NR0B2: variants seen among roughly 807,000 people sequenced by gnomAD.
NR0B2 encodes the protein nuclear receptor SHP.
NR0B2 carries 17 observed loss-of-function variants against 18.9 expected under a neutral mutation model. The observed-to-expected ratio is 0.90, with a 90% CI of 0.62 to 1.35. The LOEUF is 1.35. Ranked by LOEUF, NR0B2 falls within the 40% of genes most tolerant of loss-of-function variation. NR0B2 has a pLI of 0.00. For synonymous variants in NR0B2, 116 were observed against 138.5 expected, an observed-to-expected ratio of 0.84 and a Z score of 1.14; for missense variants, 312 against 333.3, an observed-to-expected ratio of 0.94 and a Z score of 0.50.
chr1:26,913,572 C>T lies in NR0B2; in HGVS notation c.369G>A (p.Leu123=), dbSNP rs267598529. The T allele has an allele frequency of 6.2e-7, 1 of 1,614,126 alleles. No individual in the cohort carries two copies. Among genetic ancestry groups the T allele is most frequent in the Non-Finnish European group, 8.5e-7 (1 of 1,179,988 alleles). ...PVPSILKKIL[L]EEPSSSGGSG... is the part of the protein sequence containing the mutation. ...TGCCTCCACTGCTGCTGGGCTCCTC[C>T]AGCAGAATCTTCTTGAGTATGCTGG... Residue 123 remains leucine (L), a synonymous_variant, in exon 1 of 2, where the codon CTG becomes CTA. Transcript: ENST00000254227.
chr1:26,912,639 GC>G (rs1364311982), intron 1 of NR0B2, among the ~76,000 whole-genome samples: 2 of 152,122 alleles, frequency 1.3e-5, no homozygotes, highest in African/African-American at 4.8e-5. Flanking sequence ...GTCTCCATCT[GC>G]CGCTCTCCTG....
At chr1:26,912,404 T>C (rs1040802800) in intron 1 of NR0B2, among the ~76,000 whole-genome samples, 11 of 152,148 alleles carry the variant, frequency 7.2e-5, no homozygotes, top group Non-Finnish European at 1.2e-4. Flanking sequence ...AGTTTCTTTA[T>C]CTGTAAAACG....
At position 26,913,910 on chromosome 1, in the gene NR0B2, A is replaced by G. The variant is rs1181054311; in HGVS notation, c.31T>C (p.Cys11Arg). The change falls in exon 1 of 2, where the codon TGC (cysteine) becomes CGC (arginine). Residue 11 changes from cysteine (C) to arginine (R), a missense_variant. Cys to Arg is a radical substitution (Grantham distance 180). Coordinates refer to ENST00000254227, the MANE Select transcript of NR0B2 (RefSeq NM_021969.3). MSTSQPGACP[C>R]QGAASRPAIL... ...GCGGGGCGGCTTGCAGCTCCCTGGC[A>G]TGGGCAGGCCCCTGGTTGGCTGGTG... 1.3e-6 allele frequency: 2 copies of G among 1,484,550 alleles called. No homozygotes were observed. 92.0% of individuals were successfully genotyped at this position (1,484,550 alleles called of 1,614,324 possible).
At position 26,913,433 on chromosome 1, in the gene NR0B2, T is replaced by A; in HGVS notation, c.508A>T (p.Lys170Ter). Residue 170 changes from lysine (K) to a stop codon, truncating the protein, a stop_gained, in exon 1 of 2, where the codon AAA becomes TAA. Transcript: ENST00000254227. LOFTEE classifies it high-confidence loss of function. ...CCGGGGTTGAAGAGGATGGTCCCTT[T>A]CAGGCAGGCATATTCCTTGGGGCTA... ...ELSPKEYACL[K>*]GTILFNPDVP... is the part of the protein sequence containing the mutation. The A allele has an allele frequency of 6.2e-7, 1 of 1,614,106 alleles. No homozygotes were observed. The highest frequency in any genetic ancestry group is 8.5e-7 in the Non-Finnish European group (1 of 1,180,014).
In NR0B2 at chr1:26,911,935, C is replaced by A; in HGVS notation, c.684G>T (p.Pro228=). ...AGAAGAGGTCCCCAAGCAGGCTGGT[C>A]GGAATGGACTTGAGGGTGGAGGCCG... ...LLTASTLKSI[P]TSLLGDLFFR... The change falls in exon 2 of 2, where the codon CCG becomes CCT. Residue 228 remains proline (P), a synonymous_variant. Transcript: ENST00000254227. The A allele has an allele frequency of 6.2e-7, 1 of 1,614,172 alleles. No individual in the cohort carries two copies. Among genetic ancestry groups the A allele is most frequent in the East Asian group, 2.2e-5 (1 of 44,882 alleles).
At position 26,911,926 on chromosome 1, in the gene NR0B2, C is replaced by G; in HGVS notation, c.693G>C (p.Leu231=). 2 of 1,614,218 alleles carry G rather than the reference C, an allele frequency of 1.2e-6. No homozygotes were observed. The highest frequency in any genetic ancestry group is 1.7e-6 in the Non-Finnish European group (2 of 1,180,034). Residue 231 remains leucine (L), a synonymous_variant, in exon 2 of 2, where the codon CTG becomes CTC. Transcript: ENST00000254227. The part of the protein sequence containing the change: ...ASTLKSIPTS[L]LGDLFFRPII... ...TAGGGCGAAAGAAGAGGTCCCCAAG[C>G]AGGCTGGTCGGAATGGACTTGAGGG...
At chr1:26,913,373 G>A in intron 1 of NR0B2, 36 bp downstream of exon 1, 2 of 1,607,840 alleles carry the variant, frequency 1.2e-6, no homozygotes, top group South Asian at 2.2e-5. Context: ...CCCTGCTTCA[G>A]CCTTGCCCCC....
chr1:26,911,818 C>T lies in NR0B2; in HGVS notation c.*27G>A. ...AATCAGCACTGCCAGCCTCTGCCCA[C>T]CTGATCTCTGCCTGGGCTGGAACAG... is the stretch of plus-strand genomic sequence containing the variant. On this transcript the variant is annotated 3_prime_UTR_variant, in exon 2 of 2. Transcript: ENST00000254227. 6.2e-7 allele frequency: 1 copy of T among 1,614,078 alleles called. No homozygotes were observed. Among genetic ancestry groups the T allele is most frequent in the Non-Finnish European group, 8.5e-7 (1 of 1,180,006 alleles).
Position 26,911,788 on chromosome 1 carries a change from G to A in NR0B2, c.*57C>T, listed in dbSNP as rs1557666314. On this transcript the variant is annotated 3_prime_UTR_variant, in exon 2 of 2. Transcript: ENST00000254227. ...ATTGGGTCACCTCTGGGGATGGCCA[G>A]GCTGAATCAGCACTGCCAGCCTCTG... The A allele has an allele frequency of 2.5e-6, 4 of 1,612,292 alleles. No homozygotes were observed. The highest frequency in any genetic ancestry group is 3.4e-6 in the Non-Finnish European group (4 of 1,178,834).
intron 1 of NR0B2, among the ~76,000 whole-genome samples, chr1:26,912,383 C>G (rs1259168133): frequency 6.6e-6 from 1 of 152,140 alleles, no homozygotes; most frequent in African/African-American, 2.4e-5. Context: ...GTCACTTAAT[C>G]TCTGGGCTTC....
rs1261376300 is a variant in NR0B2, at chr1:26,913,970, T to G, written c.-30A>C. On this transcript the variant is annotated 5_prime_UTR_variant, in exon 1 of 2. Transcript: ENST00000254227. ...AGGGATCTGCTCTCACTTCCAGCTC[T>G]CTGGCTCTGTGTTCTGCGCTGTGGG... The G allele has an allele frequency of 7.0e-7, 1 of 1,436,692 alleles. No homozygotes were observed. The allele number at this position is 1,436,692 out of a possible 1,614,324, so 89.0% of individuals were successfully genotyped here.
At position 26,913,561 on chromosome 1, in the gene NR0B2, C is replaced by T. The variant is rs200848350; in HGVS notation, c.380G>A (p.Ser127Asn). 1.2e-6 allele frequency: 2 copies of T among 1,614,138 alleles called. No individual in the cohort carries two copies. Among genetic ancestry groups the T allele is most frequent in the African/African-American group, 2.7e-5 (2 of 75,056 alleles). ...ILKKILLEEPSSSGGSGQLPD... is the reference protein window; with the variant it reads ...ILKKILLEEPNSSGGSGQLPD... ...CAGTTGGCCACTGCCTCCACTGCTG[C>T]TGGGCTCCTCCAGCAGAATCTTCTT... Residue 127 changes from serine to asparagine, a missense_variant, in exon 1 of 2, where the codon AGC becomes AAC. Physicochemically the swap from Ser to Asn is conservative, Grantham distance 46 (BLOSUM62 1). Coordinates refer to ENST00000254227, the MANE Select transcript of NR0B2 (RefSeq NM_021969.3).
intron 1 of NR0B2, 137 bp from the exon 2 acceptor site, chr1:26,912,223 T>G (rs2082032471): frequency 1.9e-5 from 17 of 909,122 alleles, no homozygotes; most frequent in Middle Eastern, 3.4e-4. Flanking sequence ...CACTACTACC[T>G]CCTCCTTTAG....
chr1:26,913,184 G>T (rs888295792), intron 1 of NR0B2, among the ~76,000 whole-genome samples: 2 of 152,120 alleles, frequency 1.3e-5, no homozygotes, highest in Non-Finnish European at 2.9e-5. Context: ...TACTCGGGAG[G>T]CTGAGGCAGA....
At chr1:26,912,345 C>CACTTATTA (rs1190893564) in intron 1 of NR0B2, among the ~76,000 whole-genome samples, 1 of 152,116 alleles carries the variant, frequency 6.6e-6, no homozygotes, top group Non-Finnish European at 1.5e-5. Context: ...CCAGCACTGT[C>CACTTATTA]ACTTATTAGC....
chr1:26,913,952 TGCTC>T lies in NR0B2; in HGVS notation c.-16_-13del. 4 of 1,454,724 alleles carry T rather than the reference TGCTC, an allele frequency of 2.7e-6. No homozygotes were observed. Among genetic ancestry groups the T allele is most frequent in the East Asian group, 2.3e-5 (1 of 42,708 alleles). The allele number at this position is 1,454,724 out of a possible 1,614,324, so 90.1% of individuals were successfully genotyped here. A position where few individuals can be genotyped will look rare whatever the true frequency, so the allele number is the denominator to read the frequency against. On this transcript the variant is annotated 5_prime_UTR_variant, in exon 1 of 2. Coordinates refer to ENST00000254227, the MANE Select transcript of NR0B2 (RefSeq NM_021969.3). ...TGGCTGGTGCTCATGGTTAGGGATC[TGCTC>T]TCACTTCCAGCTCTCTGGCTCTGTG...
Position 26,911,841 on chromosome 1 carries a change from C to T in NR0B2, c.*4G>A, listed in dbSNP as rs769430551. On this transcript the variant is annotated 3_prime_UTR_variant, in exon 2 of 2. Coordinates refer to ENST00000254227, the MANE Select transcript of NR0B2 (RefSeq NM_021969.3). ...CACCTGATCTCTGCCTGGGCTGGAA[C>T]AGGTCACCTGAGCAAAAGCATGTCC... 1 of 1,614,190 alleles carries T rather than the reference C, an allele frequency of 6.2e-7. No homozygotes were observed. Among genetic ancestry groups the T allele is most frequent in the Non-Finnish European group, 8.5e-7 (1 of 1,180,030 alleles).
intron 1 of NR0B2, 76 bp from the exon 2 acceptor site, chr1:26,912,162 C>G (rs553143542): frequency 1.8e-5 from 29 of 1,577,944 alleles, no homozygotes; most frequent in Non-Finnish European, 2.3e-5. Context: ...GGCCCAAGAT[C>G]TGGGCCATCA....
At chr1:26,912,781 G>A (rs2082036379) in intron 1 of NR0B2, among the ~76,000 whole-genome samples, 1 of 152,154 alleles carries the variant, frequency 6.6e-6, no homozygotes, top group Non-Finnish European at 1.5e-5. Flanking sequence ...CTTTGAGGAT[G>A]TGACTGAGAC....
Sources: gnomAD v4.1 joint callset for allele counts (sites outside exome capture counted in the v4.1 genomes callset) on GRCh38, gnomAD v4.1.1 for gene constraint, MANE v1.5 for transcripts, NCBI Gene and HGNC (gene_info 2026-07-23, HGNC 2026-07-21) for gene names.